ROCK1: variants seen among roughly 807,000 people sequenced by gnomAD.
The protein encoded by ROCK1 is rho-associated protein kinase 1.
A neutral mutation model predicts 196.8 loss-of-function variants in ROCK1; 36 were observed. The observed-to-expected ratio is 0.18, with a 90% CI of 0.14 to 0.24. The LOEUF is 0.24. ROCK1 is among the 10% of genes least tolerant of loss of function. ROCK1 has a pLI of 1.00. For synonymous variants in ROCK1, 443 were observed against 515.9 expected (o/e 0.86, Z 1.91); for missense variants, 920 against 1,562.0 (o/e 0.59, Z 6.93).
chr18:21,051,336 C>A (rs2036202309), intron 2 of ROCK1, among the ~76,000 whole-genome samples: 1 of 152,106 alleles, frequency 6.6e-6, no homozygotes, highest in South Asian at 2.1e-4. Flanking sequence ...TTCCTGTAGT[C>A]CCAGCTACTC....
intron 12 of ROCK1, among the ~76,000 whole-genome samples, chr18:21,019,797 T>TAAA (rs74444752): frequency 1.5e-5 from 2 of 132,714 alleles, no homozygotes; most frequent in Non-Finnish European, 1.6e-5. Flanking sequence ...GACTCCATCT[T>TAAA]AAAAAAAAAA....
At chr18:21,046,339 G>T (rs2036158702) in intron 4 of ROCK1, among the ~76,000 whole-genome samples, 1 of 152,200 alleles carries the variant, frequency 6.6e-6, no homozygotes. Flanking sequence ...GCTTAGTCAA[G>T]TATCCAGATG....
chr18:21,006,924 T>A lies in ROCK1; in HGVS notation c.1547-134A>T, dbSNP rs539155965. Reference sequence around the variant, plus strand: ...CATTAGGTCCACTCCCAAAGCCAAATTCCAATTTGGAAGTACCTGCATTTT... The same window carrying A: ...CATTAGGTCCACTCCCAAAGCCAAAATCCAATTTGGAAGTACCTGCATTTT... On this transcript the variant is annotated intron_variant, in intron 14 of 32. Transcript: ENST00000399799. 48 of 558,594 alleles carry A rather than the reference T, an allele frequency of 8.6e-5. No individual in the cohort carries two copies. The South Asian group carries it at 1.4e-3, about 17-fold the overall frequency. The allele number at this position is 558,594 out of a possible 1,614,324, so 34.6% of individuals were successfully genotyped here. A position where few individuals can be genotyped will look rare whatever the true frequency, so the allele number is the denominator to read the frequency against.
At position 21,062,285 on chromosome 18, in the gene ROCK1, T is replaced by C. The variant is rs371807673; in HGVS notation, c.175+8247A>G. 7.2e-5 allele frequency among the ~76,000 whole-genome samples: 11 copies of C among 152,082 alleles called. No homozygotes were observed. The East Asian group carries it at 1.7e-3, about 24-fold the overall frequency. ...GAAAGTAAAGAAGTGTTCCTTTTTTTAAAAAAAGTAAGAACATGTCAAAGA... is the reference window on the plus strand; with the variant it reads ...GAAAGTAAAGAAGTGTTCCTTTTTTCAAAAAAAGTAAGAACATGTCAAAGA... On this transcript the variant is annotated intron_variant, in intron 2 of 32. Coordinates refer to ENST00000399799, the MANE Select transcript of ROCK1 (RefSeq NM_005406.3).
At chr18:21,096,190 T>C (rs2036611140) in intron 1 of ROCK1, among the ~76,000 whole-genome samples, 1 of 152,104 alleles carries the variant, frequency 6.6e-6, no homozygotes, top group African/African-American at 2.4e-5. Flanking sequence ...TTAAAATTAT[T>C]TTTTGTCTAC....
At chr18:21,044,823 T>C (rs1356787329) in intron 5 of ROCK1, among the ~76,000 whole-genome samples, 1 of 152,154 alleles carries the variant, frequency 6.6e-6, no homozygotes, top group Non-Finnish European at 1.5e-5. Context: ...CAACATTAAA[T>C]TGAAATGCTA....
intron 1 of ROCK1, among the ~76,000 whole-genome samples, chr18:21,071,815 C>T (rs781128428): frequency 1.3e-5 from 2 of 152,050 alleles, no homozygotes; most frequent in African/African-American, 4.8e-5. Context: ...TACATGATAC[C>T]GTTGGGAGAA....
chr18:21,000,722 T>C (rs528249431), intron 16 of ROCK1, among the ~76,000 whole-genome samples: 37 of 152,218 alleles, frequency 2.4e-4, no homozygotes, highest in African/African-American at 7.9e-4. Context: ...AACCACCACA[T>C]ACCCACTAGA....
At chr18:20,951,682 G>A (rs1240071931) in intron 32 of ROCK1, among the ~76,000 whole-genome samples, 1 of 152,164 alleles carries the variant, frequency 6.6e-6, no homozygotes, top group Admixed American at 6.6e-5. Flanking sequence ...TAGCAGTAAG[G>A]TGATAATACC....
At chr18:21,028,064 T>C (rs1388760030) in intron 10 of ROCK1, among the ~76,000 whole-genome samples, 1 of 147,770 alleles carries the variant, frequency 6.8e-6, no homozygotes, top group Non-Finnish European at 1.5e-5. Flanking sequence ...CCCGGCCCAC[T>C]TAATTTTTGA....
At chr18:21,082,979 C>A (rs1207550001) in intron 1 of ROCK1, among the ~76,000 whole-genome samples, 1 of 152,126 alleles carries the variant, frequency 6.6e-6, no homozygotes, top group African/African-American at 2.4e-5. Context: ...TCCGTCAGAG[C>A]CCATAACCAA....
chr18:20,952,243 G>A (rs1380103053), intron 32 of ROCK1, among the ~76,000 whole-genome samples: 4 of 151,994 alleles, frequency 2.6e-5, no homozygotes, highest in Non-Finnish European at 2.9e-5. Context: ...TTAGCAGGCC[G>A]TGGTGGCATG....
intron 1 of ROCK1, among the ~76,000 whole-genome samples, chr18:21,074,815 ATAAG>A (rs1405738798): frequency 2.6e-5 from 4 of 152,256 alleles, no homozygotes; most frequent in Non-Finnish European, 5.9e-5. Context: ...ATCAAGTGTT[ATAAG>A]TAGGTACTAC....
chr18:21,002,846 ATCCTCCACCTGAGCCTCCTAAGTAGC>A (rs2035737372), intron 16 of ROCK1, among the ~76,000 whole-genome samples: 1 of 152,108 alleles, frequency 6.6e-6, no homozygotes, highest in South Asian at 2.1e-4. Context: ...GGCTCAAGCA[ATCCTCCACCTGAGCCTCCTAAGTAGC>A]TAGGACTACA....
chr18:20,954,037 C>A (rs1165258713), intron 31 of ROCK1, among the ~76,000 whole-genome samples: 1 of 150,726 alleles, frequency 6.6e-6, no homozygotes, highest in East Asian at 1.9e-4. Flanking sequence ...AGAACATAAG[C>A]TTCTTATCTG....
In ROCK1 at chr18:21,028,717, A is replaced by T. The variant is rs1176486797; in HGVS notation, c.1211+59T>A. Reference sequence around the variant, plus strand: ...TAAATCTACTTTAAAAATGATTTTTAGATATTTCTAAGAACAAAATCAGCA... The same window carrying T: ...TAAATCTACTTTAAAAATGATTTTTTGATATTTCTAAGAACAAAATCAGCA... On this transcript the variant is annotated intron_variant, in intron 10 of 32. Transcript: ENST00000399799. 3.5e-6 allele frequency: 5 copies of T among 1,422,488 alleles called. No individual in the cohort carries two copies. The South Asian group carries it at 7.0e-5, about 20-fold the overall frequency. The allele number at this position is 1,422,488 out of a possible 1,614,324, so 88.1% of individuals were successfully genotyped here.
chr18:21,006,614 C>G lies in ROCK1; in HGVS notation c.1639-17G>C. On this transcript the variant is annotated splice_polypyrimidine_tract_variant and intron_variant, in intron 15 of 32. Transcript: ENST00000399799. Reference sequence around the variant, plus strand: ...TTCTTCTAGCTATTTAAAAAGAAAGCAAAAAAATAGGTTTCTGACCAAAGT... The same window carrying G: ...TTCTTCTAGCTATTTAAAAAGAAAGGAAAAAAATAGGTTTCTGACCAAAGT... The G allele has an allele frequency of 2.5e-6, 4 of 1,597,390 alleles. No homozygotes were observed. The highest frequency in any genetic ancestry group is 3.4e-6 in the Non-Finnish European group (4 of 1,175,360).
In ROCK1 at chr18:20,949,532, G is replaced by A. The variant is rs192322949; in HGVS notation, c.*1852C>T. The A allele has an allele frequency of 1.3e-5, 2 of 152,300 alleles. No homozygotes were observed. Among genetic ancestry groups the A allele is most frequent in the Admixed American group, 1.3e-4 (2 of 15,282 alleles). 9.4% of individuals were successfully genotyped at this position (152,300 alleles called of 1,614,324 possible). A position where few individuals can be genotyped will look rare whatever the true frequency, so the allele number is the denominator to read the frequency against. On this transcript the variant is annotated 3_prime_UTR_variant, in exon 33 of 33. Transcript: ENST00000399799. ...ATTATACTGGACAGTAAAAGAACCC[G>A]ACATCCTCACAAGGGAGAACTCTAT...
intron 5 of ROCK1, 143 bp from the exon 6 acceptor site, chr18:21,044,329 T>C (rs1310707052): frequency 5.3e-5 from 24 of 448,818 alleles, no homozygotes; most frequent in Non-Finnish European, 7.9e-5. Flanking sequence ...TCCACATCTA[T>C]AAATTAAATT....
Sources: allele counts gnomAD v4.1 joint callset (sites outside exome capture counted in the v4.1 genomes callset), GRCh38; gene constraint gnomAD v4.1.1; transcripts MANE v1.5; gene names NCBI Gene and HGNC (gene_info 2026-07-23, HGNC 2026-07-21).